Variants in P4HA3 observed in about 807,000 individuals in gnomAD.
P4HA3 encodes prolyl 4-hydroxylase subunit alpha 3.
In P4HA3, 60 loss-of-function variants were observed where a neutral mutation model predicts 66.7. The observed-to-expected ratio is 0.90, with a 90% CI of 0.73 to 1.12. P4HA3 has a LOEUF of 1.12. Among genes scored for constraint, P4HA3 ranks in the 50% most tolerant of loss-of-function variants. The probability of loss-of-function intolerance (pLI) is 0.00; values close to 1 mark genes in which losing one functional copy is unlikely to be tolerated. For synonymous variants in P4HA3, 263 were observed against 274.6 expected, an observed-to-expected ratio of 0.96 and a Z score of 0.42; for missense variants, 683 against 685.8, an observed-to-expected ratio of 1.00 and a Z score of 0.05.
At chr11:74,297,818 T>C (rs474280) in intron 4 of P4HA3, among the ~76,000 whole-genome samples, 96,365 of 152,076 alleles carry the variant, frequency 0.63, 32,322 homozygotes, top group African/African-American at 0.88. Flanking sequence ...ATATCTGTGA[T>C]GAATTATGAG....
rs1861291978 is a variant in P4HA3, at chr11:74,298,303, C to T, written c.626G>A (p.Ser209Asn). ...HAIPWLEEAV[S>N]LFRGSYGEWK... ...CTCTCCGTAAGATCCTCGGAAGAGA[C>T]TGACAGCCTCCTCCAGCCATGGAAT... The change falls in exon 4 of 13, where the codon AGT (serine) becomes AAT (asparagine). Residue 209 changes from serine to asparagine, a missense_variant. Coordinates refer to ENST00000331597, the MANE Select transcript of P4HA3 (RefSeq NM_182904.5). 2 of 1,613,978 alleles carry T rather than the reference C, an allele frequency of 1.2e-6. No homozygotes were observed. The highest frequency in any genetic ancestry group is 1.3e-5 in the African/African-American group (1 of 74,928).
At chr11:74,254,338 G>A (rs1419782418) in intron 15 of P4HA3, 1 of 152,842 alleles carries the variant, frequency 6.5e-6, no homozygotes, top group Non-Finnish European at 1.5e-5. Flanking sequence ...ACTGGTTCCT[G>A]GAGGTGTGCA....
intron 4 of P4HA3, among the ~76,000 whole-genome samples, chr11:74,295,908 G>A (rs1351025513): frequency 3.9e-5 from 6 of 152,094 alleles, no homozygotes; most frequent in Admixed American, 2.0e-4. Context: ...CAAACTCTTC[G>A]TGAGATGAAA....
chr11:74,251,534 C>G, intron 15 of P4HA3: 1 of 1,510,760 alleles, frequency 6.6e-7, no homozygotes, highest in Non-Finnish European at 8.8e-7. Flanking sequence ...CCACTCAGAC[C>G]TGTGGGTGGG....
chr11:74,294,337 T>G (rs1431417618), intron 4 of P4HA3, among the ~76,000 whole-genome samples: 1 of 152,202 alleles, frequency 6.6e-6, no homozygotes, highest in Non-Finnish European at 1.5e-5. Flanking sequence ...TTATTCTAGT[T>G]ATCCATTCGT....
chr11:74,258,158 C>G (rs1282998894), intron 15 of P4HA3, among the ~76,000 whole-genome samples: 1 of 152,136 alleles, frequency 6.6e-6, no homozygotes, highest in Non-Finnish European at 1.5e-5. Flanking sequence ...AGTCTGGGGC[C>G]AGGGCTCAGA....
intron 5 of P4HA3, among the ~76,000 whole-genome samples, chr11:74,287,938 C>T (rs986258392): frequency 2.2e-4 from 33 of 152,170 alleles, no homozygotes; most frequent in African/African-American, 7.5e-4. Context: ...ATCACTTGAA[C>T]CTGGGAGGCA....
At chr11:74,273,902 G>A (rs2134733594) in intron 9 of P4HA3, among the ~76,000 whole-genome samples, 1 of 152,022 alleles carries the variant, frequency 6.6e-6, no homozygotes, top group South Asian at 2.1e-4. Context: ...AGTTCTCTGT[G>A]AAATATAGAA....
At chr11:74,277,780 G>A (rs563276760) in intron 8 of P4HA3, among the ~76,000 whole-genome samples, 3 of 152,214 alleles carry the variant, frequency 2.0e-5, no homozygotes, top group Non-Finnish European at 4.4e-5. Context: ...TGACAAAGTG[G>A]CAACTTTGGA....
At position 74,267,176 on chromosome 11, in the gene P4HA3, C is replaced by T. The variant is rs1467874759; in HGVS notation, c.*72G>A. On this transcript the variant is annotated 3_prime_UTR_variant, in exon 13 of 13. Coordinates refer to ENST00000331597, the MANE Select transcript of P4HA3 (RefSeq NM_182904.5). ...AGGAGGCTGCTCTGCTTTCTCCTCT[C>T]CTACCCCAGCTTTTGGCTCCTGGCT... 1.2e-6 allele frequency: 2 copies of T among 1,607,200 alleles called. No individual in the cohort carries two copies. Among genetic ancestry groups the T allele is most frequent in the Non-Finnish European group, 1.7e-6 (2 of 1,177,644 alleles).
chr11:74,268,352 G>T, intron 11 of P4HA3, 111 bp from the exon 12 acceptor site: 2 of 885,422 alleles, frequency 2.3e-6, no homozygotes, highest in South Asian at 3.0e-5. Flanking sequence ...TTTCCATGCA[G>T]TCTGGGGGCA....
intron 15 of P4HA3, chr11:74,251,458 G>A: frequency 2.1e-6 from 3 of 1,424,562 alleles, no homozygotes; most frequent in Non-Finnish European, 2.7e-6. Flanking sequence ...AGCTATCCCT[G>A]GCAAGGATAG....
chr11:74,297,344 T>C (rs1400782437), intron 4 of P4HA3, among the ~76,000 whole-genome samples: 1 of 152,112 alleles, frequency 6.6e-6, no homozygotes, highest in East Asian at 1.9e-4. Context: ...GTAAATCTGT[T>C]TGGGCAGCAA....
intron 7 of P4HA3, among the ~76,000 whole-genome samples, chr11:74,283,841 C>G (rs1860691695): frequency 6.6e-6 from 1 of 152,222 alleles, no homozygotes; most frequent in Non-Finnish European, 1.5e-5. Context: ...TCTTCTTCAC[C>G]CAATTGCCTT....
At chr11:74,300,141 CAG>C (rs1168422531) in intron 3 of P4HA3, among the ~76,000 whole-genome samples, 23 of 152,190 alleles carry the variant, frequency 1.5e-4, no homozygotes, top group African/African-American at 5.3e-4. Flanking sequence ...GTGAGAGCAC[CAG>C]AGTTTCTGGA....
At chr11:74,271,879 C>G (rs1054444803) in intron 10 of P4HA3, among the ~76,000 whole-genome samples, 1 of 152,154 alleles carries the variant, frequency 6.6e-6, no homozygotes, top group South Asian at 2.1e-4. Context: ...TTCCCTGGTC[C>G]CATGATACTG....
chr11:74,310,910 C>A lies in P4HA3; in HGVS notation c.200+502G>T, dbSNP rs753128644. ...TCCCCCCTTGAAAGGTCAATACTTG[C>A]GTAGCTAAAGCGTCACCGTATTCTC... On this transcript the variant is annotated intron_variant, in intron 1 of 12. Transcript: ENST00000331597. 4.6e-5 allele frequency among the ~76,000 whole-genome samples: 7 copies of A among 152,172 alleles called. 1 individual carries two copies. The highest frequency in any genetic ancestry group is 4.6e-4 in the Admixed American group (7 of 15,282).
At chr11:74,252,192 C>T (rs1279992112) in intron 15 of P4HA3, among the ~76,000 whole-genome samples, 3 of 149,944 alleles carry the variant, frequency 2.0e-5, no homozygotes, top group Admixed American at 6.6e-5. Context: ...CTCAGTCTCC[C>T]GAGTAGCTGG....
chr11:74,265,572 C>A (rs551493262), downstream of P4HA3, among the ~76,000 whole-genome samples: 2 of 152,310 alleles, frequency 1.3e-5, no homozygotes, highest in African/African-American at 4.8e-5. Flanking sequence ...GGCACAAGTG[C>A]CCAAATATCA....
Sources: allele counts gnomAD v4.1 joint callset (sites outside exome capture counted in the v4.1 genomes callset), GRCh38; gene constraint gnomAD v4.1.1; transcripts MANE v1.5; gene names NCBI Gene and HGNC (gene_info 2026-07-23, HGNC 2026-07-21).